Variants in CACNA1G observed in about 807,000 individuals in gnomAD.
CACNA1G encodes the protein voltage-dependent T-type calcium channel subunit alpha-1G.
A neutral mutation model predicts 219.4 loss-of-function variants in CACNA1G; 67 were observed. The observed-to-expected ratio is 0.31, with a 90% CI of 0.25 to 0.37. The LOEUF (loss-of-function observed/expected upper bound fraction) is 0.37, where lower values mean the gene tolerates loss of function less well. CACNA1G is among the 10% of genes least tolerant of loss of function. The pLI, the probability that CACNA1G is intolerant of heterozygous loss-of-function variation, is 1.00. For missense variants in CACNA1G, 2,380 were observed against 3,231.4 expected (o/e 0.74, Z 6.39); for synonymous variants, 1,296 against 1,345.3 (o/e 0.96, Z 0.80).
Position 50,561,446 on chromosome 17 carries a change from C to T in CACNA1G, c.-14C>T, listed in dbSNP as rs1334364101. 2 of 1,533,740 alleles carry T rather than the reference C, an allele frequency of 1.3e-6. No individual in the cohort carries two copies. Among genetic ancestry groups the T allele is most frequent in the South Asian group, 1.2e-5 (1 of 83,972 alleles). On this transcript the variant is annotated 5_prime_UTR_variant, in exon 1 of 38. Transcript: ENST00000359106. ...CCCCTCTCCGGATCGCCCGGGGCCCCGGCTGGCCAGAGGATGGACGAGGAG... is the reference window on the plus strand; with the variant it reads ...CCCCTCTCCGGATCGCCCGGGGCCCTGGCTGGCCAGAGGATGGACGAGGAG...
chr17:50,580,366 C>A (rs995535833), intron 9 of CACNA1G, among the ~76,000 whole-genome samples: 2 of 152,088 alleles, frequency 1.3e-5, no homozygotes, highest in African/African-American at 4.8e-5. Context: ...TTTCCCTCAC[C>A]CCTGTTCCGG....
At chr17:50,572,468 C>A in intron 5 of CACNA1G, 86 bp from the exon 6 acceptor site, 1 of 1,164,124 alleles carries the variant, frequency 8.6e-7, no homozygotes, top group Non-Finnish European at 1.2e-6. Context: ...ATGCCTCGAG[C>A]ACTCGTGCCA....
chr17:50,592,600 G>T (rs961920244), intron 13 of CACNA1G, among the ~76,000 whole-genome samples: 1 of 152,186 alleles, frequency 6.6e-6, no homozygotes, highest in Non-Finnish European at 1.5e-5. Flanking sequence ...AGAGATGAGC[G>T]TCCTATTTCC....
intron 24 of CACNA1G, 134 bp from the exon 25 acceptor site, chr17:50,607,693 C>G: frequency 1.4e-6 from 1 of 716,342 alleles, no homozygotes; most frequent in South Asian, 1.7e-5. Context: ...CACATCAAAC[C>G]CACACCATTC....
Position 50,600,664 on chromosome 17 carries a change from G to A in CACNA1G, c.3691-62G>A. 3 of 1,407,132 alleles carry A rather than the reference G, an allele frequency of 2.1e-6. No individual in the cohort carries two copies. The highest frequency in any genetic ancestry group is 3.0e-6 in the Non-Finnish European group (3 of 993,764). 87.2% of individuals were successfully genotyped at this position (1,407,132 alleles called of 1,614,324 possible). ...GAGTGAGGCTCGTGACTCTGCTGAG[G>A]AGCCAGGAGCCGGGGAACCTGGAGG... is the stretch of plus-strand genomic sequence containing the variant. On this transcript the variant is annotated intron_variant, in intron 17 of 37. Transcript: ENST00000359106. The surrounding 1 kb of genome is among the most constrained non-coding windows in gnomAD (Gnocchi z 4.1).
At position 50,603,941 on chromosome 17, in the gene CACNA1G, G is replaced by A. The variant is rs576756167; in HGVS notation, c.4170-214G>A. Among the ~76,000 whole-genome samples the A allele has an allele frequency of 2.5e-4, 38 of 152,314 alleles. No homozygotes were observed. In the South Asian group the frequency reaches 7.5e-3, roughly 30 times the overall value. On this transcript the variant is annotated intron_variant, in intron 21 of 37. Coordinates refer to ENST00000359106, the MANE Select transcript of CACNA1G (RefSeq NM_018896.5). The surrounding 1 kb of genome is among the most constrained non-coding windows in gnomAD (Gnocchi z 6.4). Reference sequence around the variant, plus strand: ...ACATTTGACATCCTGGGATGGAGGTGGAGATGTGGGGCATGGGGATCTCTG... The same window carrying A: ...ACATTTGACATCCTGGGATGGAGGTAGAGATGTGGGGCATGGGGATCTCTG...
At chr17:50,575,520 T>C in intron 7 of CACNA1G, 23 bp from the exon 8 acceptor site, 1 of 1,586,496 alleles carries the variant, frequency 6.3e-7, no homozygotes, top group Non-Finnish European at 8.6e-7. Flanking sequence ...GGACATTTCC[T>C]CTTCCTGTCC....
At chr17:50,573,631 A>G (rs2039957843) in intron 7 of CACNA1G, 1 of 152,468 alleles carries the variant, frequency 6.6e-6, no homozygotes, top group Non-Finnish European at 1.5e-5. Flanking sequence ...AGAGAAGCTA[A>G]ACATCCTGAA....
At chr17:50,573,994 A>G (rs1413116166) in intron 7 of CACNA1G, among the ~76,000 whole-genome samples, 1 of 152,222 alleles carries the variant, frequency 6.6e-6, no homozygotes, top group East Asian at 1.9e-4. Flanking sequence ...CGCTTTGCCT[A>G]TGCTGTGTAT....
intron 19 of CACNA1G, among the ~76,000 whole-genome samples, chr17:50,602,501 G>A (rs1377624906): frequency 1.3e-5 from 2 of 152,204 alleles, no homozygotes; most frequent in Non-Finnish European, 2.9e-5. Flanking sequence ...AAGGAACCAG[G>A]GAATAGGGCT....
At position 50,572,578 on chromosome 17, in the gene CACNA1G, C is replaced by T. The variant is rs764855731; in HGVS notation, c.771C>T (p.Arg257=). 1.1e-5 allele frequency: 17 copies of T among 1,571,220 alleles called. No individual in the cohort carries two copies. The South Asian group carries it at 2.0e-4, about 19-fold the overall frequency. The change falls in exon 6 of 38, where the codon CGC becomes CGT. Residue 257 remains arginine (R), a synonymous_variant. Coordinates refer to ENST00000359106, the MANE Select transcript of CACNA1G (RefSeq NM_018896.5). Reference sequence around the variant, plus strand: ...GCCCCCTGAGCGTGGACCTGGAGCGCTATTACCAGACAGAGAACGAGGATG... The same window carrying T: ...GCCCCCTGAGCGTGGACCTGGAGCGTTATTACCAGACAGAGAACGAGGATG... ...FSLPLSVDLE[R]YYQTENEDES...
At position 50,618,680 on chromosome 17, in the gene CACNA1G, A is replaced by G; in HGVS notation, c.5453A>G (p.Glu1818Gly). The G allele has an allele frequency of 6.2e-7, 1 of 1,613,512 alleles. No homozygotes were observed. Among genetic ancestry groups the G allele is most frequent in the Non-Finnish European group, 8.5e-7 (1 of 1,179,546 alleles). The change falls in exon 33 of 38, where the codon GAG becomes GGG. Residue 1818 changes from glutamate to glycine, a missense_variant. Coordinates refer to ENST00000359106, the MANE Select transcript of CACNA1G (RefSeq NM_018896.5). The surrounding 1 kb of genome is among the most constrained non-coding windows in gnomAD (Gnocchi z 5.3). ...MKDTLRDCDQ[E>G]STCYNTVISP... ...GACACCCTCCGGGACTGTGACCAGGAGTCCACCTGCTACAACACGGTCATC... is the reference window on the plus strand; with the variant it reads ...GACACCCTCCGGGACTGTGACCAGGGGTCCACCTGCTACAACACGGTCATC...
rs760894053 is a variant in CACNA1G, at chr17:50,571,978, C to T, written c.687C>T (p.Gly229=). The T allele has an allele frequency of 1.5e-5, 25 of 1,613,818 alleles. No homozygotes were observed. Among genetic ancestry groups the T allele is most frequent in the Middle Eastern group, 1.6e-4 (1 of 6,082 alleles). The change falls in exon 5 of 38, where the codon GGC becomes GGT. Residue 229 remains glycine (G), a synonymous_variant. Coordinates refer to ENST00000359106, the MANE Select transcript of CACNA1G (RefSeq NM_018896.5). The surrounding 1 kb of genome is among the most constrained non-coding windows in gnomAD (Gnocchi z 4.3). ...TCTTCTTCATCTTCGGCATCGTCGG[C>T]GTCCAGCTGTGGGCAGGGCTGCTTC... is the stretch of plus-strand genomic sequence containing the variant. The part of the protein sequence containing the change: ...FFVFFIFGIV[G]VQLWAGLLRN...
Position 50,561,373 on chromosome 17 carries a change from G to A in CACNA1G, c.-87G>A. ...AGAGCCCACCAGATGTGCCCCCGCC[G>A]GGGCCCCCGGGTTGCGTGAGGACAC... is the stretch of plus-strand genomic sequence containing the variant. On this transcript the variant is annotated 5_prime_UTR_variant, in exon 1 of 38. Transcript: ENST00000359106. The A allele has an allele frequency of 1.3e-6, 2 of 1,513,910 alleles. No individual in the cohort carries two copies. Among genetic ancestry groups the A allele is most frequent in the Non-Finnish European group, 1.8e-6 (2 of 1,130,522 alleles). The allele number at this position is 1,513,910 out of a possible 1,614,324, so 93.8% of individuals were successfully genotyped here.
intron 7 of CACNA1G, among the ~76,000 whole-genome samples, chr17:50,575,287 A>G (rs978543203): frequency 2.0e-5 from 3 of 152,168 alleles, no homozygotes; most frequent in Non-Finnish European, 4.4e-5. Context: ...GCTTGGTTCC[A>G]GTCTTAGCCT....
At chr17:50,597,509 G>A (rs1361074758) in intron 16 of CACNA1G, among the ~76,000 whole-genome samples, 1 of 152,050 alleles carries the variant, frequency 6.6e-6, no homozygotes, top group Non-Finnish European at 1.5e-5. Flanking sequence ...GCTTTTAATT[G>A]ACAAATACTA....
intron 23 of CACNA1G, chr17:50,606,320 G>C: frequency 1.5e-6 from 1 of 656,974 alleles, no homozygotes; most frequent in Non-Finnish European, 2.8e-6. Flanking sequence ...AAGCACACGT[G>C]GCAGTGGGGG....
In CACNA1G at chr17:50,591,572, A is replaced by G; in HGVS notation, c.2591A>G (p.Asn864Ser). 1 of 1,613,190 alleles carries G rather than the reference A, an allele frequency of 6.2e-7. No homozygotes were observed. The highest frequency in any genetic ancestry group is 8.5e-7 in the Non-Finnish European group (1 of 1,179,674). ...QLVVLMKTMDNVATFCMLLML... is the reference protein window; with the variant it reads ...QLVVLMKTMDSVATFCMLLML... ...GTGGTGCTCATGAAGACCATGGACA[A>G]CGTGGCCACCTTCTGCATGCTGCTT... The change falls in exon 11 of 38, where the codon AAC becomes AGC. Residue 864 changes from asparagine (N) to serine (S), a missense_variant. By Grantham distance (46) the Asn-to-Ser change is conservative. Transcript: ENST00000359106.
chr17:50,591,654 A>T lies in CACNA1G; in HGVS notation c.2639+34A>T, dbSNP rs769387924. 7 of 1,610,256 alleles carry T rather than the reference A, an allele frequency of 4.3e-6. No individual in the cohort carries two copies. The Admixed American group carries it at 1.0e-4, about 23-fold the overall frequency. On this transcript the variant is annotated intron_variant, in intron 11 of 37. Coordinates refer to ENST00000359106, the MANE Select transcript of CACNA1G (RefSeq NM_018896.5). ...GGCATGGCACCTTGCCGGCTGAGAG[A>T]CCGGCCAGGCTGGGGGCAGGAGGGC...
Sources: allele counts gnomAD v4.1 joint callset (sites outside exome capture counted in the v4.1 genomes callset), GRCh38; gene constraint gnomAD v4.1.1; non-coding constraint Gnocchi (gnomAD v3.1); transcripts MANE v1.5; gene names NCBI Gene and HGNC (gene_info 2026-07-23, HGNC 2026-07-21).